Variants in NRL observed in about 807,000 individuals in gnomAD.
The protein encoded by NRL is neural retina leucine zipper, also known as neural retina-specific leucine zipper protein.
NRL carries 16 observed loss-of-function variants against 12.5 expected under a neutral mutation model. That is an observed-to-expected ratio of 1.28 (90% CI 0.87 to 1.95). The LOEUF (loss-of-function observed/expected upper bound fraction) is 1.95, where lower values mean the gene tolerates loss of function less well. NRL is among the 30% of genes most tolerant of loss of function. The pLI, the probability that NRL is intolerant of heterozygous loss-of-function variation, is 0.00. For missense variants in NRL, 314 were observed against 325.8 expected (o/e 0.96, Z 0.28); for synonymous variants, 142 against 150.9 (o/e 0.94, Z 0.43).
chr14:24,103,164 A>G (rs1228849873), intron 1 of NRL: 1 of 1,612,576 alleles, frequency 6.2e-7, no homozygotes, highest in Non-Finnish European at 8.5e-7. Context: ...ATCTAGGGGT[A>G]CCCCTGGTAT....
rs867569020 is a variant in NRL at position 24,100,299 on chromosome 14, C to T, written c.-28+14423G>A. The T allele has an allele frequency of 3.9e-6, 6 of 1,549,256 alleles. No individual in the cohort carries two copies. In the African/African-American group the frequency reaches 6.9e-5, roughly 18 times the overall value. Reference sequence around the variant, plus strand: ...AGCTTTCTCCACAACCTCCAACCATCTTCTAGGACTGCCAGGAGGCACAGA... The same window carrying T: ...AGCTTTCTCCACAACCTCCAACCATTTTCTAGGACTGCCAGGAGGCACAGA... On this transcript the variant is annotated intron_variant, in intron 1 of 2. Coordinates refer to ENST00000561028, the MANE Select transcript of NRL (RefSeq NM_001354768.3).
At chr14:24,089,278 C>T (rs913500293) in intron 1 of NRL, among the ~76,000 whole-genome samples, 2 of 150,564 alleles carry the variant, frequency 1.3e-5, no homozygotes, top group Non-Finnish European at 3.0e-5. Context: ...GACAGGGTCT[C>T]GCTCTGTTAC....
chr14:24,094,382 C>A lies in NRL; in HGVS notation c.-27-11507G>T, dbSNP rs1424052095. The A allele has an allele frequency of 6.5e-7, 1 of 1,547,328 alleles. No individual in the cohort carries two copies. Among genetic ancestry groups the A allele is most frequent in the Non-Finnish European group, 8.7e-7 (1 of 1,150,096 alleles). On this transcript the variant is annotated intron_variant, in intron 1 of 2. Transcript: ENST00000561028. The surrounding 1 kb of genome is among the most constrained non-coding windows in gnomAD (Gnocchi z 4.1). ...CCCGGCTCCGCTCGGTTCCTGGCCA[C>A]CCCGCAGCCCCTGCCCAGGTGCCAT...
intron 1 of NRL, among the ~76,000 whole-genome samples, chr14:24,089,353 T>C (rs1038235609): frequency 6.6e-6 from 1 of 151,906 alleles, no homozygotes; most frequent in African/African-American, 2.4e-5. Flanking sequence ...GCTCAAGCTA[T>C]CTCCCACTTT....
Position 24,094,413 on chromosome 14 carries a change from C to T in NRL, c.-27-11538G>A. The T allele has an allele frequency of 6.4e-7, 1 of 1,561,092 alleles. No individual in the cohort carries two copies. The highest frequency in any genetic ancestry group is 8.6e-7 in the Non-Finnish European group (1 of 1,157,868). On this transcript the variant is annotated intron_variant, in intron 1 of 2. Coordinates refer to ENST00000561028, the MANE Select transcript of NRL (RefSeq NM_001354768.3). This position sits in a 1 kb window ranked among gnomAD's most constrained non-coding sequence, Gnocchi z 4.1. ...AGCCCCTGCCCAGGTGCCATGGCCG[C>T]ATTGTACCGCCCTGGCCTGCGGTGA...
rs1035413227 is a variant in NRL, at chr14:24,094,662, C to A, written c.-27-11787G>T. ...TGCACCTCCCCTTCTCTGCCTCGCT[C>A]GCCTCTGACCGCGCGATCTCTATCT... On this transcript the variant is annotated intron_variant, in intron 1 of 2. Transcript: ENST00000561028. The surrounding 1 kb of genome is among the most constrained non-coding windows in gnomAD (Gnocchi z 4.1). 6.6e-7 allele frequency: 1 copy of A among 1,506,550 alleles called. No individual in the cohort carries two copies. The allele number at this position is 1,506,550 out of a possible 1,614,324, so 93.3% of individuals were successfully genotyped here.
At chr14:24,103,570 A>G (rs1314131807) in intron 1 of NRL, 2 of 1,586,206 alleles carry the variant, frequency 1.3e-6, no homozygotes, top group Non-Finnish European at 1.7e-6. Flanking sequence ...AACTTCGGGC[A>G]CTACCTGGAA....
At position 24,080,049 on chromosome 14, in the gene NRL, T is replaced by TCTCCCTATCTCTCC. The variant is rs1268072497; in HGVS notation, c.*1186_*1187insGGAGAGATAGGGAG. The TCTCCCTATCTCTCC allele has an allele frequency of 2.0e-5, 3 of 151,928 alleles. No homozygotes were observed. The highest frequency in any genetic ancestry group is 7.3e-5 in the African/African-American group (3 of 41,374). The allele number at this position is 151,928 out of a possible 1,614,324, so 9.4% of individuals were successfully genotyped here. On this transcript the variant is annotated 3_prime_UTR_variant, in exon 3 of 3. Transcript: ENST00000561028. ...TTCCCTTTTTCTTGCTCTCTCTCTC[T>TCTCCCTATCTCTCC]CTCCCTCTCTCTCCCTCTCCCACAC...
At chr14:24,084,227 G>A (rs1181467986) in intron 1 of NRL, among the ~76,000 whole-genome samples, 1 of 152,230 alleles carries the variant, frequency 6.6e-6, no homozygotes, top group African/African-American at 2.4e-5. Context: ...ACCCTTGAGA[G>A]GACAGAGGGG....
intron 1 of NRL, chr14:24,099,705 A>T (rs1270251381): frequency 6.2e-7 from 1 of 1,613,434 alleles, no homozygotes; most frequent in Non-Finnish European, 8.5e-7. Flanking sequence ...TGCTTGGATG[A>T]GGTTTGACAG....
intron 1 of NRL, among the ~76,000 whole-genome samples, chr14:24,102,181 T>G (rs2037187414): frequency 6.6e-6 from 1 of 152,162 alleles, no homozygotes. Flanking sequence ...TAAGCCAAGA[T>G]TGCACCACTG....
rs780506895 is a variant in NRL, at chr14:24,079,510, C to T, written c.*1726G>A. On this transcript the variant is annotated 3_prime_UTR_variant, in exon 3 of 3. Coordinates refer to ENST00000561028, the MANE Select transcript of NRL (RefSeq NM_001354768.3). ...CCAATGGTGGGGAAGGGAGAGGAGA[C>T]GAGAGAAATTCTGAGAGCGATGGAG... Among the ~76,000 whole-genome samples the T allele has an allele frequency of 7.2e-5, 11 of 151,962 alleles. No homozygotes were observed. Among genetic ancestry groups the T allele is most frequent in the Admixed American group, 2.0e-4 (3 of 15,268 alleles).
chr14:24,099,995 G>C (rs2138960367), intron 1 of NRL: 1 of 1,614,120 alleles, frequency 6.2e-7, no homozygotes, highest in East Asian at 2.2e-5. Context: ...CTCCTAACAG[G>C]TCGACTCCGG....
At chr14:24,099,914 TG>T in intron 1 of NRL, 1 of 1,612,494 alleles carries the variant, frequency 6.2e-7, no homozygotes, top group Non-Finnish European at 8.5e-7. Flanking sequence ...AGGACAGGGG[TG>T]GGTGGAGCAG....
intron 1 of NRL, chr14:24,110,394 C>T: frequency 3.2e-6 from 1 of 312,822 alleles, no homozygotes. Flanking sequence ...CAGGTGTGAG[C>T]TACCACGCCT....
At chr14:24,113,792 G>A (rs571712263) in intron 1 of NRL, among the ~76,000 whole-genome samples, 19 of 152,354 alleles carry the variant, frequency 1.2e-4, no homozygotes, top group African/African-American at 4.6e-4. Flanking sequence ...AGAGGCCCCA[G>A]GAGGGCCCAA....
chr14:24,094,788 G>A lies in NRL; in HGVS notation c.-27-11913C>T, dbSNP rs777921818. 15 of 1,376,812 alleles carry A rather than the reference G, an allele frequency of 1.1e-5. No homozygotes were observed. The South Asian group carries it at 1.6e-4, about 15-fold the overall frequency. 85.3% of individuals were successfully genotyped at this position (1,376,812 alleles called of 1,614,324 possible). A position where few individuals can be genotyped will look rare whatever the true frequency, so the allele number is the denominator to read the frequency against. On this transcript the variant is annotated intron_variant, in intron 1 of 2. Transcript: ENST00000561028. The surrounding 1 kb of genome is among the most constrained non-coding windows in gnomAD (Gnocchi z 4.1). ...CAGATACCTCCCTCGGACCTCTAAC[G>A]GGCTCTCAGCCAGCGCCCCAGGGTA...
chr14:24,092,745 C>A (rs2036673629), intron 1 of NRL, among the ~76,000 whole-genome samples: 1 of 152,228 alleles, frequency 6.6e-6, no homozygotes, highest in African/African-American at 2.4e-5. Flanking sequence ...TCCAAGAAAT[C>A]TGAGAATCAA....
In NRL at chr14:24,094,710, T is replaced by C. The variant is rs1566571020; in HGVS notation, c.-27-11835A>G. ...TCTGCCACTCTCAGAACTTCCTCTC[T>C]CTCCTCGCTCCTCTCTGCTGAGCCA... On this transcript the variant is annotated intron_variant, in intron 1 of 2. Coordinates refer to ENST00000561028, the MANE Select transcript of NRL (RefSeq NM_001354768.3). This position sits in a 1 kb window ranked among gnomAD's most constrained non-coding sequence, Gnocchi z 4.1. 6.6e-7 allele frequency: 1 copy of C among 1,508,654 alleles called. No homozygotes were observed. The highest frequency in any genetic ancestry group is 1.4e-5 in the African/African-American group (1 of 72,310). 93.5% of individuals were successfully genotyped at this position (1,508,654 alleles called of 1,614,324 possible).
Sources: allele counts gnomAD v4.1 joint callset (sites outside exome capture counted in the v4.1 genomes callset), GRCh38; gene constraint gnomAD v4.1.1; non-coding constraint Gnocchi (gnomAD v3.1); transcripts MANE v1.5; gene names NCBI Gene and HGNC (gene_info 2026-07-23, HGNC 2026-07-21).